The following SHISA9 variants were observed in gnomAD, a reference collection of about 807,000 sequenced individuals.
The protein encoded by SHISA9 is shisa family member 9, also known as protein shisa-9.
In SHISA9, 13 loss-of-function variants were observed where a neutral mutation model predicts 38.0. The observed-to-expected ratio is 0.34, with a 90% confidence interval of 0.22 to 0.54. The LOEUF (loss-of-function observed/expected upper bound fraction) is 0.54. Among genes scored for constraint, SHISA9 ranks in the 20% least tolerant of loss-of-function variants. The pLI, the probability that SHISA9 is intolerant of heterozygous loss-of-function variation, is 0.91. For missense variants in SHISA9, 538 were observed against 575.8 expected (o/e 0.93, Z 0.67); for synonymous variants, 275 against 242.0 (o/e 1.14, Z -1.27).
At chr16:12,941,780 G>C (rs963452282) in intron 2 of SHISA9, among the ~76,000 whole-genome samples, 3 of 152,290 alleles carry the variant, frequency 2.0e-5, no homozygotes, top group African/African-American at 7.2e-5. Context: ...GAACCCGGGA[G>C]GTGGAGGTTG....
the SHISA9 span, among the ~76,000 whole-genome samples, chr16:13,248,890 A>C: frequency 1.3e-5 from 2 of 152,206 alleles, no homozygotes; most frequent in East Asian, 1.9e-4. Flanking sequence ...AACGCCACAG[A>C]GAGGGTAGAC....
chr16:13,456,288 G>A, the SHISA9 span, among the ~76,000 whole-genome samples: 2 of 152,118 alleles, frequency 1.3e-5, no homozygotes, highest in East Asian at 3.9e-4. Context: ...TTTCCCACTC[G>A]AATGCTAGCC....
At chr16:13,308,053 T>C in the SHISA9 span, among the ~76,000 whole-genome samples, 1 of 152,236 alleles carries the variant, frequency 6.6e-6, no homozygotes, top group Non-Finnish European at 1.5e-5. Flanking sequence ...CTAATGCTCA[T>C]GTCTCCCTTG....
rs1596655562 is a variant in SHISA9 at position 13,113,183 on chromosome 16, C to G, written c.692-90211C>G. ...CAAGATCATCCTGCTGTACTCCAGC[C>G]TGGACAACAGAATGAGACTCCATCT... On this transcript the variant is annotated intron_variant, in intron 2 of 4. Transcript: ENST00000558583. 2.3e-5 allele frequency among the ~76,000 whole-genome samples: 3 copies of G among 132,878 alleles called. No individual in the cohort carries two copies. The South Asian group carries it at 7.1e-4, about 31-fold the overall frequency. The allele number at this position is 132,878 out of a possible 152,430, so 87.2% of individuals were successfully genotyped here.
At chr16:13,206,912 G>A (rs2051070478) in intron 3 of SHISA9, among the ~76,000 whole-genome samples, 2 of 152,304 alleles carry the variant, frequency 1.3e-5, no homozygotes, top group African/African-American at 2.4e-5. Flanking sequence ...CAAGAGTCAC[G>A]GCATCTTTGC....
chr16:13,197,517 G>T (rs1243826123), intron 2 of SHISA9: 1 of 151,978 alleles, frequency 6.6e-6, no homozygotes, highest in Admixed American at 6.6e-5. Context: ...TTACCTTGGC[G>T]CAAGTCTGCC....
At chr16:13,404,529 A>G in the SHISA9 span, among the ~76,000 whole-genome samples, 1 of 152,164 alleles carries the variant, frequency 6.6e-6, no homozygotes, top group Non-Finnish European at 1.5e-5. Context: ...TAGAAAGTAT[A>G]TGGTGAGTTT....
chr16:13,195,658 G>A (rs930088414), intron 2 of SHISA9, among the ~76,000 whole-genome samples: 2 of 152,062 alleles, frequency 1.3e-5, no homozygotes, highest in Non-Finnish European at 2.9e-5. Flanking sequence ...CCTAAGCCAG[G>A]CAATAGTTTA....
the SHISA9 span, chr16:13,350,438 A>C: frequency 6.6e-6 from 1 of 152,356 alleles, no homozygotes; most frequent in South Asian, 2.1e-4. Flanking sequence ...CAATTCTCTT[A>C]ACAAATCACT....
intron 2 of SHISA9, among the ~76,000 whole-genome samples, chr16:13,027,634 C>T (rs1006838637): frequency 9.9e-5 from 15 of 152,026 alleles, no homozygotes; most frequent in Admixed American, 3.3e-4. Flanking sequence ...TATTGATTCA[C>T]ACAAAACATG....
At chr16:13,204,134 T>TTATCTATCTATCTATC (rs60916250) in intron 3 of SHISA9, among the ~76,000 whole-genome samples, 17 of 149,342 alleles carry the variant, frequency 1.1e-4, no homozygotes, top group African/African-American at 3.7e-4. Flanking sequence ...TAACTACCTA[T>TTATCTATCTATCTATC]TATCTATCTA....
At chr16:13,005,384 T>C (rs932637420) in intron 2 of SHISA9, among the ~76,000 whole-genome samples, 2 of 152,168 alleles carry the variant, frequency 1.3e-5, no homozygotes, top group African/African-American at 4.8e-5. Context: ...CCAACATTTA[T>C]GAGGCGCCTA....
the SHISA9 span, among the ~76,000 whole-genome samples, chr16:13,469,565 G>A: frequency 1.7e-4 from 26 of 152,254 alleles, no homozygotes; most frequent in African/African-American, 5.5e-4. Context: ...ATAAAATCCA[G>A]TTCTGTGCTC....
intron 2 of SHISA9, among the ~76,000 whole-genome samples, chr16:13,138,190 G>A (rs2050366962): frequency 6.6e-6 from 1 of 152,176 alleles, no homozygotes; most frequent in South Asian, 2.1e-4. Context: ...AGCAACAGCA[G>A]CAGCATCTGA....
the SHISA9 span, among the ~76,000 whole-genome samples, chr16:13,431,916 C>T: frequency 2.9e-3 from 444 of 152,170 alleles, 2 homozygotes; most frequent in African/African-American, 0.01. Flanking sequence ...CAAAAATTAG[C>T]CAGGCTTGGT....
At chr16:13,224,974 G>A (rs948724769) in intron 4 of SHISA9, among the ~76,000 whole-genome samples, 4 of 152,140 alleles carry the variant, frequency 2.6e-5, no homozygotes, top group African/African-American at 9.7e-5. Flanking sequence ...ACCTCAGGCT[G>A]GGAATGCACA....
the SHISA9 span, among the ~76,000 whole-genome samples, chr16:13,454,160 A>G: frequency 6.6e-6 from 1 of 152,204 alleles, no homozygotes; most frequent in African/African-American, 2.4e-5. Context: ...GGACAAATTT[A>G]ACCAACCGTG....
chr16:12,960,890 T>C (rs1003250097), intron 2 of SHISA9, among the ~76,000 whole-genome samples: 4 of 152,050 alleles, frequency 2.6e-5, no homozygotes, highest in African/African-American at 9.7e-5. Flanking sequence ...TTTATAGGCT[T>C]TGGGGACTCA....
the SHISA9 span, among the ~76,000 whole-genome samples, chr16:13,272,823 C>G: frequency 7.0e-3 from 1,064 of 152,282 alleles, 13 homozygotes; most frequent in African/African-American, 0.024. Flanking sequence ...TCTTTACAAT[C>G]TACCCCATCC....
Sources: allele counts gnomAD v4.1 joint callset (sites outside exome capture counted in the v4.1 genomes callset), GRCh38; gene constraint gnomAD v4.1.1; transcripts MANE v1.5; gene names NCBI Gene and HGNC (gene_info 2026-07-23, HGNC 2026-07-21).